Variants in ANGPTL1 observed in about 807,000 individuals in gnomAD.
ANGPTL1 encodes the protein angiopoietin-related protein 1.
In ANGPTL1, 36 loss-of-function variants were observed where a neutral mutation model predicts 46.7. The ratio of observed to expected loss-of-function variants is 0.77; its 90% CI spans 0.59 to 1.02. The LOEUF (loss-of-function observed/expected upper bound fraction) is 1.02. Ranked by LOEUF, ANGPTL1 falls within the 50% of genes least tolerant of loss-of-function variation. The pLI, the probability that ANGPTL1 is intolerant of heterozygous loss-of-function variation, is 0.00. For missense variants in ANGPTL1, 571 were observed against 594.7 expected (o/e 0.96, Z 0.41); for synonymous variants, 221 against 204.3 (o/e 1.08, Z -0.69).
At chr1:178,857,627 A>G (rs747909091) in intron 3 of ANGPTL1, among the ~76,000 whole-genome samples, 8 of 152,126 alleles carry the variant, frequency 5.3e-5, no homozygotes, top group Non-Finnish European at 1.0e-4. Context: ...GTTACAACAT[A>G]TATATATTTA....
At chr1:178,860,415 A>G (rs1025447608) in intron 3 of ANGPTL1, among the ~76,000 whole-genome samples, 1 of 152,210 alleles carries the variant, frequency 6.6e-6, no homozygotes, top group Non-Finnish European at 1.5e-5. Flanking sequence ...TAAAGAAAAT[A>G]AAAGATTGTC....
chr1:178,865,998 T>A (rs1190128775), intron 2 of ANGPTL1, among the ~76,000 whole-genome samples, 196 bp from the exon 3 acceptor site: 1 of 152,204 alleles, frequency 6.6e-6, no homozygotes, highest in East Asian at 1.9e-4. Flanking sequence ...GTTTAAAGAT[T>A]AGGTTTCAGA....
intron 1 of ANGPTL1, among the ~76,000 whole-genome samples, chr1:178,869,695 G>C (rs1391962715): frequency 6.6e-6 from 1 of 152,052 alleles, no homozygotes; most frequent in Non-Finnish European, 1.5e-5. Flanking sequence ...CAAAAGCAAA[G>C]TTGGAAAAAA....
intron 2 of ANGPTL1, among the ~76,000 whole-genome samples, chr1:178,867,879 T>C (rs969618947): frequency 3.3e-5 from 5 of 152,236 alleles, no homozygotes; most frequent in Admixed American, 1.3e-4. Flanking sequence ...TGAAGACTAC[T>C]GCTACTTTCA....
rs1463221280 is a variant in ANGPTL1 at position 178,853,627 on chromosome 1, A to G, written c.984T>C (p.Ser328=). ...TTTCCCAATTTCTGAAGAAGTTGACAGAGCCGTCTGTTCTTTTCTGAATAA... is the reference window on the plus strand; with the variant it reads ...TTTCCCAATTTCTGAAGAAGTTGACGGAGCCGTCTGTTCTTTTCTGAATAA... ...WTVIQKRTDG[S]VNFFRNWENY... The change falls in exon 4 of 6, where the codon TCT becomes TCC. Residue 328 remains serine, a synonymous_variant. Coordinates refer to ENST00000234816, the MANE Select transcript of ANGPTL1 (RefSeq NM_004673.4). The G allele has an allele frequency of 2.5e-6, 4 of 1,602,126 alleles. No homozygotes were observed. Among genetic ancestry groups the G allele is most frequent in the Admixed American group, 1.7e-5 (1 of 57,538 alleles).
intron 3 of ANGPTL1, 102 bp downstream of exon 3, chr1:178,864,852 A>G (rs970106189): frequency 4.0e-6 from 3 of 757,772 alleles, no homozygotes; most frequent in African/African-American, 3.6e-5. Flanking sequence ...ATGTACATAT[A>G]TAACATCGCA....
intron 5 of ANGPTL1, 82 bp downstream of exon 5, chr1:178,852,601 T>G: frequency 6.9e-7 from 1 of 1,443,656 alleles, no homozygotes. Context: ...TGAAAAGACT[T>G]TAGTAGCATA....
intron 3 of ANGPTL1, among the ~76,000 whole-genome samples, chr1:178,858,801 A>G (rs1657762397): frequency 6.6e-6 from 1 of 152,226 alleles, no homozygotes; most frequent in Non-Finnish European, 1.5e-5. Flanking sequence ...CACACTTTGA[A>G]TAGCAGCTTT....
At position 178,850,775 on chromosome 1, in the gene ANGPTL1, A is replaced by T. The variant is rs568857392; in HGVS notation, c.*354T>A. The T allele has an allele frequency of 1.6e-4, 26 of 161,550 alleles. No homozygotes were observed. Among genetic ancestry groups the T allele is most frequent in the Non-Finnish European group, 3.1e-4 (23 of 74,454 alleles). 10.0% of individuals were successfully genotyped at this position (161,550 alleles called of 1,614,324 possible). On this transcript the variant is annotated 3_prime_UTR_variant, in exon 6 of 6. Coordinates refer to ENST00000234816, the MANE Select transcript of ANGPTL1 (RefSeq NM_004673.4). ...TATTTTTTTCACTAGACGTTAGAGC[A>T]ATCTTAGATTTTAAATAAATTGTTA...
chr1:178,862,019 C>T (rs371417648), intron 3 of ANGPTL1, among the ~76,000 whole-genome samples: 3 of 152,002 alleles, frequency 2.0e-5, no homozygotes, highest in East Asian at 1.9e-4. Flanking sequence ...ATTACAGGCA[C>T]GCACCACCAT....
intron 2 of ANGPTL1, 144 bp downstream of exon 2, chr1:178,868,970 T>C (rs1038957433): frequency 1.3e-5 from 2 of 152,052 alleles, no homozygotes; most frequent in African/African-American, 2.4e-5. Context: ...TCTGAAAACA[T>C]TCTCTTATTT....
In ANGPTL1 at chr1:178,853,744, C is replaced by T. The variant is rs994330685; in HGVS notation, c.867G>A (p.Ser289=). 5 of 1,602,922 alleles carry T rather than the reference C, an allele frequency of 3.1e-6. No homozygotes were observed. Among genetic ancestry groups the T allele is most frequent in the African/African-American group, 1.4e-5 (1 of 74,016 alleles). The change falls in exon 4 of 6, where the codon TCG becomes TCA. Residue 289 remains serine (S), a synonymous_variant. Transcript: ENST00000234816. ...GTTTAATCATATAAATCCCACTGAC[C>T]GAATGCCCAGCTTCTTTTGCTTGCT... ...DCQQAKEAGH[S]VSGIYMIKPE...
intron 3 of ANGPTL1, among the ~76,000 whole-genome samples, chr1:178,859,570 A>T (rs1657824760): frequency 1.3e-5 from 2 of 151,322 alleles, no homozygotes; most frequent in African/African-American, 4.9e-5. Flanking sequence ...CGAAGTTTTA[A>T]CTTTTTAAGC....
intron 3 of ANGPTL1, among the ~76,000 whole-genome samples, chr1:178,863,624 C>T (rs1658180839): frequency 1.3e-5 from 2 of 152,136 alleles, no homozygotes; most frequent in African/African-American, 2.4e-5. Context: ...CAAATGCAAA[C>T]GTCTAGCTTT....
intron 1 of ANGPTL1, among the ~76,000 whole-genome samples, chr1:178,869,978 A>G (rs2102348910): frequency 6.6e-6 from 1 of 152,234 alleles, no homozygotes; most frequent in Non-Finnish European, 1.5e-5. Flanking sequence ...CATGAATTTA[A>G]TTACATCTTC....
chr1:178,864,953 C>T lies in ANGPTL1; in HGVS notation c.823+1G>A. 6.9e-7 allele frequency: 1 copy of T among 1,447,082 alleles called. No homozygotes were observed. The highest frequency in any genetic ancestry group is 2.6e-5 in the Admixed American group (1 of 38,770). 89.6% of individuals were successfully genotyped at this position (1,447,082 alleles called of 1,614,324 possible). ...ACTTTTTACAGTAAGAGGTAACTCA[C>T]CTTCATTGATGAAAGTTACCGGTGG... is the stretch of plus-strand genomic sequence containing the variant. On this transcript the variant is annotated splice_donor_variant, in intron 3 of 5. Coordinates refer to ENST00000234816, the MANE Select transcript of ANGPTL1 (RefSeq NM_004673.4). LOFTEE classifies it high-confidence loss of function.
At chr1:178,866,483 T>TA (rs1398297643) in intron 2 of ANGPTL1, among the ~76,000 whole-genome samples, 1 of 152,180 alleles carries the variant, frequency 6.6e-6, no homozygotes, top group Non-Finnish European at 1.5e-5. Flanking sequence ...TGTGGGTAAT[T>TA]ATATTTCCTG....
chr1:178,856,353 A>AAGT (rs1466475116), intron 3 of ANGPTL1, among the ~76,000 whole-genome samples: 6 of 141,976 alleles, frequency 4.2e-5, no homozygotes, highest in Non-Finnish European at 7.5e-5. Context: ...TCAGCCTCCC[A>AAGT]AGTAGCTAGG....
chr1:178,858,095 A>G (rs1172874548), intron 3 of ANGPTL1, among the ~76,000 whole-genome samples: 1 of 152,164 alleles, frequency 6.6e-6, no homozygotes, highest in Non-Finnish European at 1.5e-5. Flanking sequence ...CTTTTCCAGA[A>G]CATATGGATA....
Sources: gnomAD v4.1 joint callset for allele counts (sites outside exome capture counted in the v4.1 genomes callset) on GRCh38, gnomAD v4.1.1 for gene constraint, MANE v1.5 for transcripts, NCBI Gene and HGNC (gene_info 2026-07-23, HGNC 2026-07-21) for gene names.